Variants in CP observed in about 807,000 individuals in gnomAD.
The protein encoded by CP is ceruloplasmin.
CP carries 64 observed loss-of-function variants against 122.4 expected under a neutral mutation model. The observed-to-expected ratio is 0.52, with a 90% CI of 0.43 to 0.64. CP has a LOEUF of 0.64. Ranked by LOEUF, CP falls within the 30% of genes least tolerant of loss-of-function variation. The pLI is 0.00. For synonymous variants in CP, 440 were observed against 436.4 expected, an observed-to-expected ratio of 1.01 and a Z score of -0.10; for missense variants, 1,167 against 1,284.4, an observed-to-expected ratio of 0.91 and a Z score of 1.40.
chr3:149,172,144 T>C (rs1255690815), downstream of CP: 7 of 1,612,798 alleles, frequency 4.3e-6, no homozygotes, highest in African/African-American at 1.3e-5. Flanking sequence ...ATTTCATGAA[T>C]GTTCTCCCAG....
rs560506096 is a variant in CP at position 149,214,662 on chromosome 3, T to C, written c.147-1964A>G. ...AATTGTTTGTTGCCATTTCCCAATT[T>C]GTTAAAGCAAAATAGGAAAAGATTG... On this transcript the variant is annotated intron_variant, in intron 1 of 18. Transcript: ENST00000264613. 6.2e-4 allele frequency among the ~76,000 whole-genome samples: 95 copies of C among 152,342 alleles called. 1 individual carries two copies. Among genetic ancestry groups the C allele is most frequent in the African/African-American group, 2.2e-3 (92 of 41,576 alleles).
intron 4 of CP, chr3:149,166,149 C>A: frequency 2.6e-6 from 1 of 384,398 alleles, no homozygotes; most frequent in Admixed American, 3.3e-5. Context: ...GTGGTAGAAT[C>A]AAAAGTAGTA....
At chr3:149,206,614 G>C (rs535211830) in intron 5 of CP, among the ~76,000 whole-genome samples, 4 of 152,264 alleles carry the variant, frequency 2.6e-5, no homozygotes, top group East Asian at 1.9e-4. Flanking sequence ...GTTTCACTTG[G>C]TAGTTCTTTC....
rs11537809 is a variant in CP at position 149,172,557 on chromosome 3, G to A, written c.*1157C>T. On this transcript the variant is annotated 3_prime_UTR_variant, in exon 19 of 19. Transcript: ENST00000264613. The stretch of plus-strand genomic sequence containing the variant: ...GAACAACATCAGTTCACTGTTGTTG[G>A]AGACATGACAATCATTTTCATCCCA... The A allele has an allele frequency of 0.026, 4,948 of 193,082 alleles. 101 individuals carry two copies. Among genetic ancestry groups the A allele is most frequent in the Admixed American group, 0.065 (1,193 of 18,378 alleles). 12.0% of individuals were successfully genotyped at this position (193,082 alleles called of 1,614,324 possible). A position where few individuals can be genotyped will look rare whatever the true frequency, so the allele number is the denominator to read the frequency against.
chr3:149,206,416 G>T, intron 5 of CP, 77 bp from the exon 6 acceptor site: 1 of 1,523,058 alleles, frequency 6.6e-7, no homozygotes, highest in African/African-American at 1.4e-5. Context: ...ACACTGCTCG[G>T]GTGATGACAA....
intron 4 of CP, 74 bp from the exon 5 acceptor site, chr3:149,207,691 T>C (rs1360473032): frequency 6.6e-7 from 1 of 1,520,474 alleles, no homozygotes; most frequent in African/African-American, 1.4e-5. Context: ...TCTATATAAA[T>C]AGAATCAATT....
rs1180157664 is a variant in CP at position 149,210,236 on chromosome 3, G to T, written c.538C>A (p.His180Asn). 6.2e-7 allele frequency: 1 copy of T among 1,614,016 alleles called. No individual in the cohort carries two copies. Among genetic ancestry groups the T allele is most frequent in the Non-Finnish European group, 8.5e-7 (1 of 1,179,930 alleles). ...GDGNCVTRIY[H>N]SHIDAPKDIA... Reference sequence around the variant, plus strand: ...TCTTTTGGAGCATCAATGTGGGAATGGTAAATCCTAGTCACACAATTGCCA... The same window carrying T: ...TCTTTTGGAGCATCAATGTGGGAATTGTAAATCCTAGTCACACAATTGCCA... The change falls in exon 3 of 19, where the codon CAT becomes AAT. Residue 180 changes from histidine (H) to asparagine (N), a missense_variant. His to Asn is a moderately conservative substitution (Grantham distance 68). Around this residue, in one of 2 missense-constraint regions of CP, gnomAD observed 642 missense variants for 627.3 expected, o/e 1.02. Coordinates refer to ENST00000264613, the MANE Select transcript of CP (RefSeq NM_000096.4).
intron 17 of CP, chr3:149,176,862 C>T (rs1465140068): frequency 1.8e-5 from 3 of 162,856 alleles, no homozygotes; most frequent in Non-Finnish European, 2.7e-5. Context: ...ACCAGAGGCA[C>T]TTCAGGGAGT....
chr3:149,198,569 G>A lies in CP; in HGVS notation c.1511C>T (p.Pro504Leu), dbSNP rs1727070131. Residue 504 changes from proline (P) to leucine (L), a missense_variant, in exon 9 of 19, where the codon CCT becomes CTT. Physicochemically the swap from Pro to Leu is moderately conservative, Grantham distance 98. Transcript: ENST00000264613. ...TGTGGGTGCCACATGGGAGGCTGAA[G>A]GAGGCACACCTGTGAGAAAGGTCAC... ...NYNPQSRSVP[P>L]SASHVAPTET... 3.7e-6 allele frequency: 6 copies of A among 1,613,848 alleles called. No homozygotes were observed. In the East Asian group the frequency reaches 1.3e-4, roughly 36 times the overall value.
At chr3:149,201,951 T>A (rs559413546) in intron 7 of CP, 151 bp downstream of exon 7, 28 of 1,029,412 alleles carry the variant, frequency 2.7e-5, no homozygotes, top group Non-Finnish European at 4.0e-5. Context: ...TTTGGAAAAG[T>A]ACTTAGCTGC....
At chr3:149,186,318 T>A (rs994926451) in intron 11 of CP, 2 of 610,380 alleles carry the variant, frequency 3.3e-6, no homozygotes, top group Non-Finnish European at 5.8e-6. Flanking sequence ...TTACTCCACA[T>A]TGTCCTCAGT....
In CP at chr3:149,207,345, C is replaced by A; in HGVS notation, c.1036+18G>T. On this transcript the variant is annotated intron_variant, in intron 5 of 18. Transcript: ENST00000264613. ...ACCTTTTTCAGCTGACTGCTAATTTCAGGTAAAGATGTCCTACCTTTCAGA... is the reference window on the plus strand; with the variant it reads ...ACCTTTTTCAGCTGACTGCTAATTTAAGGTAAAGATGTCCTACCTTTCAGA... 1 of 1,613,748 alleles carries A rather than the reference C, an allele frequency of 6.2e-7. No individual in the cohort carries two copies. Among genetic ancestry groups the A allele is most frequent in the Admixed American group, 1.7e-5 (1 of 60,004 alleles).
At chr3:149,189,062 T>C (rs970408314) in intron 9 of CP, among the ~76,000 whole-genome samples, 1 of 152,132 alleles carries the variant, frequency 6.6e-6, no homozygotes, top group Non-Finnish European at 1.5e-5. Context: ...GTGAAAAATA[T>C]ACACATTGTA....
chr3:149,216,337 TC>T (rs1272748805), intron 1 of CP, among the ~76,000 whole-genome samples: 18 of 152,172 alleles, frequency 1.2e-4, no homozygotes, highest in Admixed American at 7.2e-4. Context: ...TTGCCAGAAT[TC>T]AGTTCAGTGG....
In CP at chr3:149,207,421, C is replaced by A; in HGVS notation, c.978G>T (p.Met326Ile). The change falls in exon 5 of 19, where the codon ATG becomes ATT. Residue 326 changes from methionine to isoleucine, a missense_variant. Coordinates refer to ENST00000264613, the MANE Select transcript of CP (RefSeq NM_000096.4). ...TCCATTCTCCAGGGTTCTGGGCCAC[C>A]ATATAAGCATCAAACAGGGTAGCAG... ...LFPATLFDAY[M>I]VAQNPGEWML... 1 of 1,613,996 alleles carries A rather than the reference C, an allele frequency of 6.2e-7. No homozygotes were observed. The highest frequency in any genetic ancestry group is 2.2e-5 in the East Asian group (1 of 44,878).
Position 149,202,194 on chromosome 3 carries a change from G to A in CP, c.1256C>T (p.Ser419Phe), listed in dbSNP as rs371773141. The change falls in exon 7 of 19, where the codon TCT becomes TTT. Residue 419 changes from serine (S) to phenylalanine (F), a missense_variant. Ser to Phe is a radical substitution (Grantham distance 155). Coordinates refer to ENST00000264613, the MANE Select transcript of CP (RefSeq NM_000096.4). ...CTCACGATAAACCAGCTTTTTATAA[G>A]AGCCTCCAATTCTTGTGGTACCTTG... ...FEQGTTRIGG[S>F]YKKLVYREYT... is the part of the protein sequence containing the mutation. 8.1e-6 allele frequency: 13 copies of A among 1,614,012 alleles called. No homozygotes were observed. In the Admixed American group the frequency reaches 8.3e-5, roughly 10 times the overall value.
rs778753991 is a variant in CP, at chr3:149,207,330, G to A, written c.1036+33C>T. On this transcript the variant is annotated intron_variant, in intron 5 of 18. Coordinates refer to ENST00000264613, the MANE Select transcript of CP (RefSeq NM_000096.4). ...TGATTCCCAGTAACCACCTTTTTCA[G>A]CTGACTGCTAATTTCAGGTAAAGAT... The A allele has an allele frequency of 5.0e-6, 8 of 1,613,236 alleles. No individual in the cohort carries two copies. In the South Asian group the frequency reaches 7.7e-5, roughly 16 times the overall value.
In CP at chr3:149,166,275, A is replaced by G. The variant is rs569285540; in HGVS notation, c.587-225T>C. 5.9e-4 allele frequency among the ~76,000 whole-genome samples: 90 copies of G among 152,340 alleles called. 1 individual carries two copies. Among genetic ancestry groups the G allele is most frequent in the African/African-American group, 1.9e-3 (79 of 41,586 alleles). ...TATTGATAACAATGATTAGTTCTAA[A>G]CAATCACTTTAGTCTTATTAAGTGT... On this transcript the variant is annotated intron_variant, in intron 4 of 5. Coordinates refer to the CP transcript ENST00000479771.
Position 149,206,259 on chromosome 3 carries a change from G to T in CP, c.1117C>A (p.His373Asn). The part of the protein sequence containing the change: ...KDNIRGKHVR[H>N]YYIAAEEIIW... ...ATTTCCTCAGCGGCAATGTAGTAGT[G>T]TCTAACATGCTTCCCACGGATATTA... Residue 373 changes from histidine to asparagine, a missense_variant, in exon 6 of 19, where the codon CAC (histidine) becomes AAC (asparagine). Coordinates refer to ENST00000264613, the MANE Select transcript of CP (RefSeq NM_000096.4). 6.2e-7 allele frequency: 1 copy of T among 1,613,958 alleles called. No individual in the cohort carries two copies. The highest frequency in any genetic ancestry group is 8.5e-7 in the Non-Finnish European group (1 of 1,179,878).
Sources: allele counts gnomAD v4.1 joint callset (sites outside exome capture counted in the v4.1 genomes callset), GRCh38; gene constraint gnomAD v4.1.1; regional missense constraint gnomAD v4.1.1; transcripts MANE v1.5; gene names NCBI Gene and HGNC (gene_info 2026-07-23, HGNC 2026-07-21).